Variants in ZNF148 observed in about 807,000 individuals in gnomAD.
The protein encoded by ZNF148 is Beta-Enolase Repressor Factor-1.
A neutral mutation model predicts 67.7 loss-of-function variants in ZNF148; 7 were observed. The ratio of observed to expected loss-of-function variants is 0.10; its 90% CI spans 0.06 to 0.19. The LOEUF (loss-of-function observed/expected upper bound fraction) is 0.19. Ranked by LOEUF, ZNF148 falls within the 10% of genes least tolerant of loss-of-function variation. The pLI is 1.00. For synonymous variants in ZNF148, 333 were observed against 330.7 expected, an observed-to-expected ratio of 1.01 and a Z score of -0.08; for missense variants, 583 against 947.1, an observed-to-expected ratio of 0.62 and a Z score of 5.05.
rs1560094631 is a variant in ZNF148 at position 125,226,804 on chromosome 3, C to T, written c.*5537G>A. Reference sequence around the variant, plus strand: ...AAATATTTTAAAATATATCGACTTACCAAATTTCAATTGTCAGGCTGCTGA... The same window carrying T: ...AAATATTTTAAAATATATCGACTTATCAAATTTCAATTGTCAGGCTGCTGA... On this transcript the variant is annotated 3_prime_UTR_variant, in exon 9 of 9. Coordinates refer to ENST00000360647, the MANE Select transcript of ZNF148 (RefSeq NM_021964.3). The T allele has an allele frequency of 6.6e-6, 1 of 152,264 alleles. No homozygotes were observed. The highest frequency in any genetic ancestry group is 1.5e-5 in the Non-Finnish European group (1 of 68,016). The allele number at this position is 152,264 out of a possible 1,614,324, so 9.4% of individuals were successfully genotyped here.
At chr3:125,318,505 G>GGA (rs1553708489) in intron 3 of ZNF148, among the ~76,000 whole-genome samples, 17 of 150,142 alleles carry the variant, frequency 1.1e-4, no homozygotes, top group African/African-American at 3.7e-4. Context: ...ATTTGGAAGG[G>GGA]AAAAAAAAAC....
rs115368739 is a variant in ZNF148 at position 125,273,361 on chromosome 3, T to C, written c.667+4365A>G. 6.4e-3 allele frequency among the ~76,000 whole-genome samples: 969 copies of C among 152,300 alleles called. 5 individuals are homozygous for C. Among genetic ancestry groups the C allele is most frequent in the Non-Finnish European group, 0.011 (741 of 68,032 alleles). On this transcript the variant is annotated intron_variant, in intron 7 of 8. Transcript: ENST00000360647. ...GATGACAGGTTTTCCAGTGTTTTTA[T>C]ATTTTTACAGAGAGAACTGTATACA...
chr3:125,307,427 C>G (rs576765074), intron 4 of ZNF148, among the ~76,000 whole-genome samples: 1 of 152,086 alleles, frequency 6.6e-6, no homozygotes, highest in Non-Finnish European at 1.5e-5. Flanking sequence ...CCTCAGCCTC[C>G]GAGTAGCTGG....
chr3:125,365,731 T>A (rs1942681760), intron 1 of ZNF148, among the ~76,000 whole-genome samples: 1 of 152,144 alleles, frequency 6.6e-6, no homozygotes, highest in Non-Finnish European at 1.5e-5. Flanking sequence ...GGCAAGAGGA[T>A]CACTTGAATC....
chr3:125,236,885 A>T (rs1475186880), intron 7 of ZNF148, among the ~76,000 whole-genome samples: 1 of 152,232 alleles, frequency 6.6e-6, no homozygotes, highest in Non-Finnish European at 1.5e-5. Flanking sequence ...TACTACAATG[A>T]ATCCAGACCA....
At chr3:125,289,001 T>G (rs1938862036) in intron 4 of ZNF148, among the ~76,000 whole-genome samples, 1 of 152,188 alleles carries the variant, frequency 6.6e-6, no homozygotes, top group South Asian at 2.1e-4. Flanking sequence ...AAAACCAAGG[T>G]TCTAAGATCA....
At chr3:125,298,417 A>C (rs1284472173) in intron 4 of ZNF148, among the ~76,000 whole-genome samples, 1 of 150,886 alleles carries the variant, frequency 6.6e-6, no homozygotes, top group Non-Finnish European at 1.5e-5. Context: ...CAGTAATAAC[A>C]AATGTCAATC....
At chr3:125,297,897 CAA>C (rs1939367449) in intron 4 of ZNF148, among the ~76,000 whole-genome samples, 2 of 152,164 alleles carry the variant, frequency 1.3e-5, no homozygotes, top group African/African-American at 4.8e-5. Flanking sequence ...CATACACACA[CAA>C]GTGACATCCA....
intron 1 of ZNF148, among the ~76,000 whole-genome samples, 183 bp downstream of exon 1, chr3:125,374,919 A>C (rs1579936171): frequency 1.9e-5 from 2 of 107,000 alleles, no homozygotes; most frequent in Non-Finnish European, 2.0e-5. Context: ...CTGCTTCCTC[A>C]CGTCCCCCAG....
chr3:125,281,160 C>A (rs1938365000), intron 5 of ZNF148, among the ~76,000 whole-genome samples: 1 of 152,156 alleles, frequency 6.6e-6, no homozygotes, highest in African/African-American at 2.4e-5. Context: ...AACAATGCTT[C>A]AAAGTCTATG....
chr3:125,245,974 T>C (rs956354871), intron 7 of ZNF148, among the ~76,000 whole-genome samples: 3 of 152,200 alleles, frequency 2.0e-5, no homozygotes, highest in Non-Finnish European at 4.4e-5. Flanking sequence ...AATTCCCCAC[T>C]CTGCTTTCTG....
rs1940310740 is a variant in ZNF148, at chr3:125,313,203, CTATT to C, written c.333+101_333+104del. On this transcript the variant is annotated intron_variant, in intron 4 of 8. Transcript: ENST00000360647. ...ATTTTAGTATATCTATTCAAGAACA[CTATT>C]TAGCCCTGAAACATTTTCTGAAATT... is the stretch of plus-strand genomic sequence containing the variant. 8.1e-6 allele frequency: 7 copies of C among 866,998 alleles called. No individual in the cohort carries two copies. In the South Asian group the frequency reaches 9.7e-5, roughly 12 times the overall value. The allele number at this position is 866,998 out of a possible 1,614,324, so 53.7% of individuals were successfully genotyped here.
intron 7 of ZNF148, among the ~76,000 whole-genome samples, chr3:125,236,705 T>C (rs926317551): frequency 1.3e-5 from 2 of 152,220 alleles, no homozygotes; most frequent in Non-Finnish European, 2.9e-5. Context: ...GCTGAAGCGT[T>C]TCCCGTGGCT....
At chr3:125,341,724 G>A (rs1336374367) in intron 1 of ZNF148, among the ~76,000 whole-genome samples, 1 of 152,192 alleles carries the variant, frequency 6.6e-6, no homozygotes, top group Non-Finnish European at 1.5e-5. Context: ...GCTAGGCATG[G>A]TGGCTCGTGC....
At chr3:125,297,333 T>C (rs1939338522) in intron 4 of ZNF148, among the ~76,000 whole-genome samples, 1 of 152,006 alleles carries the variant, frequency 6.6e-6, no homozygotes, top group Admixed American at 6.6e-5. Flanking sequence ...CGGAAAACCA[T>C]AAAGCCTCCA....
At position 125,289,356 on chromosome 3, in the gene ZNF148, C is replaced by A. The variant is rs143015111; in HGVS notation, c.334-1128G>T. Among the ~76,000 whole-genome samples, 352 of 152,264 alleles carry A rather than the reference C, an allele frequency of 2.3e-3. 2 individuals carry two copies. Among genetic ancestry groups the A allele is most frequent in the African/African-American group, 8.2e-3 (339 of 41,558 alleles). On this transcript the variant is annotated intron_variant, in intron 4 of 8. Coordinates refer to ENST00000360647, the MANE Select transcript of ZNF148 (RefSeq NM_021964.3). ...ACTGACAAAATAAAAAGTGGAAGTT[C>A]TCATGAATTCCTGAAATGCAGGCCA...
chr3:125,235,390 G>A (rs368145461), intron 7 of ZNF148, among the ~76,000 whole-genome samples: 4 of 152,174 alleles, frequency 2.6e-5, no homozygotes, highest in African/African-American at 7.2e-5. Context: ...CAGACAAACC[G>A]AAATACCTAC....
At chr3:125,344,658 C>T (rs1941870409) in intron 1 of ZNF148, 1 of 674,026 alleles carries the variant, frequency 1.5e-6, no homozygotes, top group Admixed American at 2.0e-5. Context: ...GCCTCAGCCA[C>T]TTGTTTTGAT....
chr3:125,260,068 C>A (rs1046303557), intron 7 of ZNF148, among the ~76,000 whole-genome samples: 1 of 152,128 alleles, frequency 6.6e-6, no homozygotes, highest in Non-Finnish European at 1.5e-5. Flanking sequence ...ACACACACAA[C>A]ACTTATCGAT....
Sources: allele counts gnomAD v4.1 joint callset (sites outside exome capture counted in the v4.1 genomes callset), GRCh38; gene constraint gnomAD v4.1.1; transcripts MANE v1.5; gene names NCBI Gene and HGNC (gene_info 2026-07-23, HGNC 2026-07-21).